FGGY: variants seen among roughly 807,000 people sequenced by gnomAD.
The protein encoded by FGGY is FGGY carbohydrate kinase domain-containing protein.
In FGGY, 72 loss-of-function variants were observed where a neutral mutation model predicts 71.3. The observed-to-expected ratio is 1.01, with a 90% CI of 0.84 to 1.23. FGGY has a LOEUF of 1.23. Among genes scored for constraint, FGGY ranks in the 50% most tolerant of loss-of-function variants. FGGY has a pLI of 0.00. For missense variants in FGGY, 668 were observed against 682.3 expected, an observed-to-expected ratio of 0.98 and a Z score of 0.23; for synonymous variants, 251 against 250.3, an observed-to-expected ratio of 1.00 and a Z score of -0.02.
chr1:59,422,602 G>A (rs2065641996), intron 5 of FGGY, among the ~76,000 whole-genome samples: 1 of 152,010 alleles, frequency 6.6e-6, no homozygotes, highest in African/African-American at 2.4e-5. Context: ...GGCTGAGGTA[G>A]GAGGACTGCT....
intron 6 of FGGY, among the ~76,000 whole-genome samples, chr1:59,483,419 A>G (rs1251708995): frequency 6.6e-6 from 1 of 152,186 alleles, no homozygotes; most frequent in Non-Finnish European, 1.5e-5. Context: ...GAGAAAACAG[A>G]TGATTAATTT....
intron 14 of FGGY, among the ~76,000 whole-genome samples, chr1:59,699,644 A>G (rs1281035617): frequency 6.6e-6 from 1 of 152,248 alleles, no homozygotes; most frequent in Non-Finnish European, 1.5e-5. Context: ...AGGTTTTTAT[A>G]AAAATAAAGA....
intron 5 of FGGY, among the ~76,000 whole-genome samples, chr1:59,430,072 A>G (rs1392889447): frequency 6.6e-6 from 1 of 152,092 alleles, no homozygotes; most frequent in Admixed American, 6.5e-5. Context: ...TAAGGAATAA[A>G]CCCCAGGCCA....
At chr1:59,511,219 A>G (rs2094509735) in intron 6 of FGGY, among the ~76,000 whole-genome samples, 1 of 151,792 alleles carries the variant, frequency 6.6e-6, no homozygotes, top group South Asian at 2.1e-4. Context: ...TAAGCTGTTC[A>G]CTCTCTGACC....
At chr1:59,332,352 C>A (rs895930999) in intron 2 of FGGY, among the ~76,000 whole-genome samples, 7 of 152,152 alleles carry the variant, frequency 4.6e-5, no homozygotes, top group African/African-American at 1.7e-4. Context: ...AATGAGATTA[C>A]TGGGCTGCTT....
At chr1:59,389,583 C>T (rs1348318422) in intron 5 of FGGY, among the ~76,000 whole-genome samples, 1 of 152,072 alleles carries the variant, frequency 6.6e-6, no homozygotes, top group African/African-American at 2.4e-5. Flanking sequence ...GCTTTTAGTT[C>T]TTTTTGGTGT....
chr1:59,438,445 A>G (rs186430009), intron 5 of FGGY, among the ~76,000 whole-genome samples: 21 of 152,302 alleles, frequency 1.4e-4, no homozygotes, highest in African/African-American at 4.8e-4. Context: ...CATATCATAG[A>G]TTTTTTAAAA....
At chr1:59,638,632 G>A (rs552329234) in intron 11 of FGGY, among the ~76,000 whole-genome samples, 3 of 152,260 alleles carry the variant, frequency 2.0e-5, no homozygotes, top group East Asian at 3.9e-4. Flanking sequence ...CTGTGGAGTG[G>A]CTAAAAGTCA....
At chr1:59,616,342 G>A (rs1485051706) in intron 9 of FGGY, among the ~76,000 whole-genome samples, 1 of 152,182 alleles carries the variant, frequency 6.6e-6, no homozygotes, top group Non-Finnish European at 1.5e-5. Flanking sequence ...GGACATGGAT[G>A]AAGCTGGAAA....
chr1:59,645,545 C>T (rs2097085649), intron 11 of FGGY, among the ~76,000 whole-genome samples: 1 of 152,184 alleles, frequency 6.6e-6, no homozygotes. Context: ...CCTTGGCCCT[C>T]AGTTTCCTCA....
intron 9 of FGGY, among the ~76,000 whole-genome samples, chr1:59,622,411 CT>C (rs2096819783): frequency 6.6e-6 from 1 of 152,058 alleles, no homozygotes; most frequent in Non-Finnish European, 1.5e-5. Flanking sequence ...TCTAGAGACA[CT>C]GTATTATTTC....
rs141844695 is a variant in FGGY at position 59,376,836 on chromosome 1, G to T, written c.466-1913G>T. ...CAGGACATGGAAAGTTATCTGGATG[G>T]TAGGAAACCTTTCTTGCTAGTTCCT... On this transcript the variant is annotated intron_variant, in intron 4 of 15. Coordinates refer to ENST00000303721, the MANE Select transcript of FGGY (RefSeq NM_018291.5). 5.3e-3 allele frequency among the ~76,000 whole-genome samples: 810 copies of T among 152,260 alleles called. 18 individuals carry two copies. The highest frequency in any genetic ancestry group is 0.019 in the African/African-American group (792 of 41,532).
At chr1:59,405,328 C>T (rs930778991) in intron 5 of FGGY, among the ~76,000 whole-genome samples, 2 of 152,144 alleles carry the variant, frequency 1.3e-5, no homozygotes, top group African/African-American at 4.8e-5. Flanking sequence ...GATGCTTTTT[C>T]GATTCTGTAA....
At chr1:59,539,037 A>G (rs1053311204) in intron 7 of FGGY, among the ~76,000 whole-genome samples, 17 of 152,328 alleles carry the variant, frequency 1.1e-4, no homozygotes, top group African/African-American at 3.4e-4. Context: ...CATGATTTAC[A>G]ATAAAATAAA....
At chr1:59,670,707 G>A (rs926517429) in intron 13 of FGGY, among the ~76,000 whole-genome samples, 1 of 72,338 alleles carries the variant, frequency 1.4e-5, no homozygotes, top group African/African-American at 5.1e-5. Context: ...AGAAAGAGGG[G>A]CATTTGAGGG....
At chr1:59,445,040 T>G (rs1192863853) in intron 5 of FGGY, among the ~76,000 whole-genome samples, 1 of 152,182 alleles carries the variant, frequency 6.6e-6, no homozygotes, top group Non-Finnish European at 1.5e-5. Flanking sequence ...GAGCTCTTCA[T>G]GGATTTTTCT....
chr1:59,583,073 G>A (rs549900414), intron 8 of FGGY, among the ~76,000 whole-genome samples: 1 of 130,124 alleles, frequency 7.7e-6, no homozygotes, highest in East Asian at 2.3e-4. Flanking sequence ...AGGCTATGTG[G>A]AGAGCCTCCT....
At chr1:59,486,512 T>C (rs1310628489) in intron 6 of FGGY, among the ~76,000 whole-genome samples, 1 of 152,172 alleles carries the variant, frequency 6.6e-6, no homozygotes, top group Admixed American at 6.5e-5. Flanking sequence ...GGGGAGGTGA[T>C]GGGAAGTTAG....
intron 7 of FGGY, among the ~76,000 whole-genome samples, chr1:59,539,639 TA>T (rs1294569514): frequency 3.3e-5 from 5 of 152,124 alleles, no homozygotes; most frequent in East Asian, 1.9e-4. Context: ...GTATGAAATT[TA>T]AAAAAATAAA....
Sources: allele counts gnomAD v4.1 joint callset (sites outside exome capture counted in the v4.1 genomes callset), GRCh38; gene constraint gnomAD v4.1.1; transcripts MANE v1.5; gene names NCBI Gene and HGNC (gene_info 2026-07-23, HGNC 2026-07-21).